Variants in SP3 observed in about 807,000 individuals in gnomAD.
SP3 encodes Sp3 transcription factor, also known as transcription factor Sp3.
Under a neutral mutation model 70.3 loss-of-function variants are expected in SP3, and 10 were observed. That is an observed-to-expected ratio of 0.14 (90% confidence interval 0.09 to 0.24). The LOEUF is 0.24. Among genes scored for constraint, SP3 ranks in the 10% least tolerant of loss-of-function variants. The probability of loss-of-function intolerance (pLI) is 1.00; values close to 1 mark genes in which losing one functional copy is unlikely to be tolerated. For missense variants in SP3, 825 were observed against 914.6 expected (o/e 0.90, Z 1.26); for synonymous variants, 402 against 333.5 (o/e 1.21, Z -2.24).
chr2:173,941,083 C>A (rs1318275559), intron 4 of SP3, among the ~76,000 whole-genome samples: 3 of 150,662 alleles, frequency 2.0e-5, no homozygotes, highest in Non-Finnish European at 4.4e-5. Context: ...TCAACCAGGT[C>A]CACCTCCAGC....
At chr2:173,942,141 T>C (rs1690388742) in intron 4 of SP3, among the ~76,000 whole-genome samples, 1 of 152,232 alleles carries the variant, frequency 6.6e-6, no homozygotes, top group Non-Finnish European at 1.5e-5. Context: ...AAAATCACTT[T>C]GGGATTTTTA....
At position 173,935,288 on chromosome 2, in the gene SP3, A is replaced by G. The variant is rs553734452; in HGVS notation, c.1640-16503T>C. ...TTATTAATGATCAGTCCAGGTTAAA[A>G]GAAGCTAACTTTTAAATAAAGCAGA... On this transcript the variant is annotated intron_variant, in intron 4 of 6. Coordinates refer to ENST00000310015, the MANE Select transcript of SP3 (RefSeq NM_003111.5). Among the ~76,000 whole-genome samples, 22 of 152,320 alleles carry G rather than the reference A, an allele frequency of 1.4e-4. No homozygotes were observed. In the South Asian group the frequency reaches 4.6e-3, roughly 32 times the overall value.
upstream of SP3, chr2:173,965,589 C>T (rs1374225902): frequency 9.5e-6 from 2 of 210,450 alleles, no homozygotes; most frequent in Non-Finnish European, 9.7e-6. Flanking sequence ...GTGCCCGCCT[C>T]CCTCGCCGGC....
chr2:173,955,387 C>T lies in SP3; in HGVS notation c.1125G>A (p.Ser375=), dbSNP rs369476726. Reference sequence around the variant, plus strand: ...GTGCCTGTGTCTCTTCAGAAACAGGCGACTGGATATAATTTCCCTGAAGAT... The same window carrying T: ...GTGCCTGTGTCTCTTCAGAAACAGGTGACTGGATATAATTTCCCTGAAGAT... The part of the protein sequence containing the change: ...SSDLQGNYIQ[S]PVSEETQAQN... The change falls in exon 4 of 7, where the codon TCG becomes TCA. Residue 375 remains serine (S), a synonymous_variant. Transcript: ENST00000310015. 5.0e-6 allele frequency: 8 copies of T among 1,613,830 alleles called. No homozygotes were observed. The highest frequency in any genetic ancestry group is 2.2e-5 in the East Asian group (1 of 44,898).
At chr2:173,921,015 C>T (rs1689738328) in intron 4 of SP3, among the ~76,000 whole-genome samples, 1 of 152,026 alleles carries the variant, frequency 6.6e-6, no homozygotes, top group Non-Finnish European at 1.5e-5. Flanking sequence ...TGGTAATATC[C>T]TATTTCTTGA....
intron 6 of SP3, among the ~76,000 whole-genome samples, chr2:173,912,496 A>C (rs1689512799): frequency 6.6e-6 from 1 of 152,358 alleles, no homozygotes; most frequent in African/African-American, 2.4e-5. Context: ...ACTATCTCTA[A>C]GTTAACACTG....
At chr2:173,944,896 C>A (rs1424345864) in intron 4 of SP3, among the ~76,000 whole-genome samples, 4 of 152,192 alleles carry the variant, frequency 2.6e-5, no homozygotes, top group Admixed American at 2.6e-4. Context: ...GCAGCTGGAT[C>A]ACTTGAAGCT....
intron 4 of SP3, among the ~76,000 whole-genome samples, chr2:173,940,493 A>C (rs4972421): frequency 6.6e-6 from 1 of 151,944 alleles, no homozygotes; most frequent in Non-Finnish European, 1.5e-5. Context: ...CCGGGGGTGC[A>C]AGACCCCTGG....
At chr2:173,939,524 G>A (rs1690299371) in intron 4 of SP3, among the ~76,000 whole-genome samples, 1 of 152,090 alleles carries the variant, frequency 6.6e-6, no homozygotes, top group Admixed American at 6.5e-5. Flanking sequence ...AGCACTTTGG[G>A]AGGCCGAGGC....
chr2:173,929,587 A>G (rs1469320666), intron 4 of SP3, among the ~76,000 whole-genome samples: 1 of 152,264 alleles, frequency 6.6e-6, no homozygotes, highest in Non-Finnish European at 1.5e-5. Context: ...GCAATTCATA[A>G]GCCAGGCTGA....
At chr2:173,927,564 C>T (rs1689952373) in intron 4 of SP3, among the ~76,000 whole-genome samples, 3 of 152,116 alleles carry the variant, frequency 2.0e-5, no homozygotes, top group Admixed American at 2.0e-4. Context: ...AGGAATGAGC[C>T]ACCCCACCCG....
chr2:173,924,949 G>A (rs747991882), intron 4 of SP3, among the ~76,000 whole-genome samples: 26 of 152,120 alleles, frequency 1.7e-4, no homozygotes, highest in Admixed American at 6.6e-4. Context: ...GTGCAGTGGC[G>A]TGATCTCAGC....
At position 173,906,014 on chromosome 2, in the gene SP3, T is replaced by C. The variant is rs1038466383; in HGVS notation, c.*3927A>G. Among the ~76,000 whole-genome samples the C allele has an allele frequency of 6.6e-6, 1 of 151,948 alleles. No homozygotes were observed. The highest frequency in any genetic ancestry group is 1.5e-5 in the Non-Finnish European group (1 of 67,962). ...TCAAATATAGGGAAAAAACAAACAA[T>C]AAACCCTGGACTAGAATGAATTTTT... On this transcript the variant is annotated 3_prime_UTR_variant, in exon 7 of 7. Coordinates refer to ENST00000310015, the MANE Select transcript of SP3 (RefSeq NM_003111.5).
rs1689242020 is a variant in SP3 at position 173,903,990 on chromosome 2, TG to T, written c.*5950del. On this transcript the variant is annotated 3_prime_UTR_variant, in exon 7 of 7. Transcript: ENST00000310015. ...TTGAGGAAGACAATTTTTTCATGGA[TG>T]GGGGTCGGGGGGTGGGGATGGTTGT... Among the ~76,000 whole-genome samples, 1 of 34,526 alleles carries T rather than the reference TG, an allele frequency of 2.9e-5. No homozygotes were observed. The highest frequency in any genetic ancestry group is 1.1e-4 in the African/African-American group (1 of 8,770). The allele number at this position is 34,526 out of a possible 152,430, so 22.7% of individuals were successfully genotyped here. A position where few individuals can be genotyped will look rare whatever the true frequency, so the allele number is the denominator to read the frequency against.
At chr2:173,919,629 G>A (rs1305569300) in intron 4 of SP3, among the ~76,000 whole-genome samples, 2 of 152,070 alleles carry the variant, frequency 1.3e-5, no homozygotes, top group Non-Finnish European at 2.9e-5. Flanking sequence ...TTAAATATCA[G>A]GGAAATAAAA....
intron 4 of SP3, among the ~76,000 whole-genome samples, chr2:173,922,894 G>A (rs747938657): frequency 6.6e-6 from 1 of 151,818 alleles, no homozygotes; most frequent in Non-Finnish European, 1.5e-5. Flanking sequence ...ATAAAAGCAA[G>A]CATTATAAAA....
intron 5 of SP3, chr2:173,915,406 C>T (rs1408656221): frequency 6.6e-6 from 1 of 152,124 alleles, no homozygotes; most frequent in Admixed American, 6.6e-5. Flanking sequence ...GTGAATTTCT[C>T]AACAAAGTTC....
intron 4 of SP3, among the ~76,000 whole-genome samples, chr2:173,951,118 A>G (rs1023406124): frequency 1.3e-5 from 2 of 152,212 alleles, no homozygotes; most frequent in African/African-American, 4.8e-5. Context: ...GCTTTATACC[A>G]ACTTCATTTC....
At position 173,943,343 on chromosome 2, in the gene SP3, C is replaced by A. The variant is rs112192779; in HGVS notation, c.1639+11530G>T. Reference sequence around the variant, plus strand: ...GCTCATTCCCTCTTCCTGGAATACTCTTTCCTCCAAATGTCAATGTGACAG... The same window carrying A: ...GCTCATTCCCTCTTCCTGGAATACTATTTCCTCCAAATGTCAATGTGACAG... On this transcript the variant is annotated intron_variant, in intron 4 of 6. Coordinates refer to ENST00000310015, the MANE Select transcript of SP3 (RefSeq NM_003111.5). Among the ~76,000 whole-genome samples the A allele has an allele frequency of 1.1e-3, 163 of 152,288 alleles. 3 individuals carry two copies. Among genetic ancestry groups the A allele is most frequent in the African/African-American group, 3.8e-3 (156 of 41,554 alleles).
Sources: allele counts gnomAD v4.1 joint callset (sites outside exome capture counted in the v4.1 genomes callset), GRCh38; gene constraint gnomAD v4.1.1; transcripts MANE v1.5; gene names NCBI Gene and HGNC (gene_info 2026-07-23, HGNC 2026-07-21).